CYTH1: variants seen among roughly 807,000 people sequenced by gnomAD.
The protein encoded by CYTH1 is cytohesin 1.
CYTH1 carries 18 observed loss-of-function variants against 61.8 expected under a neutral mutation model. The observed-to-expected ratio is 0.29, with a 90% CI of 0.20 to 0.43. The LOEUF (loss-of-function observed/expected upper bound fraction) is 0.43. Among genes scored for constraint, CYTH1 ranks in the 20% least tolerant of loss-of-function variants. The pLI, the probability that CYTH1 is intolerant of heterozygous loss-of-function variation, is 1.00. For missense variants in CYTH1, 336 were observed against 510.5 expected, an observed-to-expected ratio of 0.66 and a Z score of 3.29; for synonymous variants, 174 against 184.3, an observed-to-expected ratio of 0.94 and a Z score of 0.45.
At chr17:78,781,752 G>A (rs947715890) in intron 1 of CYTH1, among the ~76,000 whole-genome samples, 1 of 151,794 alleles carries the variant, frequency 6.6e-6, no homozygotes, top group Non-Finnish European at 1.5e-5. Context: ...CCCGCAGAGG[G>A]GCGGCAGGGC....
intron 1 of CYTH1, among the ~76,000 whole-genome samples, chr17:78,731,637 A>G (rs2093294737): frequency 1.3e-5 from 2 of 151,816 alleles, no homozygotes; most frequent in Non-Finnish European, 2.9e-5. Context: ...GGGCGCCTGT[A>G]GTCCCAGCTA....
chr17:78,684,934 C>A (rs187627208), intron 11 of CYTH1, among the ~76,000 whole-genome samples: 17 of 152,310 alleles, frequency 1.1e-4, no homozygotes, highest in African/African-American at 4.1e-4. Context: ...GGCATGGTGG[C>A]TCACGCCTGT....
intron 1 of CYTH1, among the ~76,000 whole-genome samples, chr17:78,722,316 T>C (rs1164838731): frequency 6.6e-6 from 1 of 152,218 alleles, no homozygotes; most frequent in East Asian, 1.9e-4. Context: ...AGCTTCTTTC[T>C]AGCACTCCAC....
At chr17:78,718,959 G>A (rs1035762599) in intron 1 of CYTH1, among the ~76,000 whole-genome samples, 5 of 152,230 alleles carry the variant, frequency 3.3e-5, no homozygotes, top group African/African-American at 1.2e-4. Context: ...TAGGTGGAAG[G>A]CAGCGGGGGT....
At chr17:78,775,612 A>G (rs2093487911) in intron 1 of CYTH1, among the ~76,000 whole-genome samples, 1 of 152,232 alleles carries the variant, frequency 6.6e-6, no homozygotes, top group Non-Finnish European at 1.5e-5. Flanking sequence ...TCAATCTGGG[A>G]ACTCAATGTA....
intron 1 of CYTH1, among the ~76,000 whole-genome samples, chr17:78,773,529 T>C (rs1348519200): frequency 6.6e-6 from 1 of 151,218 alleles, no homozygotes; most frequent in Admixed American, 6.6e-5. Context: ...CTCAGGAGGC[T>C]GAGGCACAAG....
chr17:78,707,413 T>C (rs1397636104), intron 3 of CYTH1, among the ~76,000 whole-genome samples: 1 of 152,172 alleles, frequency 6.6e-6, no homozygotes, highest in African/African-American at 2.4e-5. Context: ...AGCAGAGTCC[T>C]TGTCCTTTTA....
chr17:78,731,485 C>T (rs771708493), intron 1 of CYTH1, among the ~76,000 whole-genome samples: 1 of 152,102 alleles, frequency 6.6e-6, no homozygotes, highest in Admixed American at 6.5e-5. Context: ...TCTCGTCGGG[C>T]GCGGTGGTTC....
At chr17:78,769,937 G>A (rs1273399896) in intron 1 of CYTH1, among the ~76,000 whole-genome samples, 2 of 152,112 alleles carry the variant, frequency 1.3e-5, no homozygotes, top group African/African-American at 2.4e-5. Flanking sequence ...GGATCACGAG[G>A]TCAGGAGATA....
intron 9 of CYTH1, 122 bp from the exon 10 acceptor site, chr17:78,696,131 T>C: frequency 1.6e-6 from 2 of 1,285,686 alleles, no homozygotes; most frequent in Non-Finnish European, 2.1e-6. Context: ...AATGTATCAG[T>C]CACATTCATG....
chr17:78,730,396 G>A (rs1368651769), intron 1 of CYTH1, among the ~76,000 whole-genome samples: 15 of 141,916 alleles, frequency 1.1e-4, no homozygotes, highest in African/African-American at 3.7e-4. Context: ...AAAATTAGCC[G>A]GGCATGGTGG....
chr17:78,676,482 A>C (rs2092700450), intron 13 of CYTH1: 1 of 348,368 alleles, frequency 2.9e-6, no homozygotes, highest in African/African-American at 2.1e-5. Flanking sequence ...AATTCAGAGA[A>C]AAAGACTGGT....
At chr17:78,773,457 C>G (rs1262936615) in intron 1 of CYTH1, among the ~76,000 whole-genome samples, 1 of 151,988 alleles carries the variant, frequency 6.6e-6, no homozygotes, top group East Asian at 1.9e-4. Flanking sequence ...TGGTGAAACC[C>G]CATCTCTACT....
chr17:78,768,880 C>G (rs1020317593), intron 1 of CYTH1, among the ~76,000 whole-genome samples: 2 of 152,110 alleles, frequency 1.3e-5, no homozygotes, highest in Non-Finnish European at 2.9e-5. Flanking sequence ...AAAGAACGGG[C>G]GCAGTGCCTC....
chr17:78,684,162 C>T (rs1041713065), intron 11 of CYTH1, among the ~76,000 whole-genome samples: 1 of 152,170 alleles, frequency 6.6e-6, no homozygotes, highest in Admixed American at 6.5e-5. Flanking sequence ...CTTCCTGGCC[C>T]CCCCTCTTTC....
At chr17:78,755,198 C>G (rs1293159623) in intron 1 of CYTH1, among the ~76,000 whole-genome samples, 1 of 152,154 alleles carries the variant, frequency 6.6e-6, no homozygotes, top group African/African-American at 2.4e-5. Context: ...TGTTTTGAGA[C>G]AGAGTCTAGC....
chr17:78,718,795 C>A (rs1463678137), intron 1 of CYTH1, among the ~76,000 whole-genome samples: 2 of 152,204 alleles, frequency 1.3e-5, no homozygotes, highest in Non-Finnish European at 2.9e-5. Context: ...GTGAGGAATG[C>A]GTGATGGAAA....
chr17:78,706,258 C>A (rs1461189460), intron 3 of CYTH1, among the ~76,000 whole-genome samples: 1 of 152,190 alleles, frequency 6.6e-6, no homozygotes, highest in Non-Finnish European at 1.5e-5. Context: ...CCTGCCATCC[C>A]TGTAAGTTCC....
In CYTH1 at chr17:78,782,212, G is replaced by A; in HGVS notation, c.12C>T (p.Asp4=). Residue 4 remains aspartate (D), a synonymous_variant, in exon 1 of 14, where the codon GAC becomes GAT. Coordinates refer to ENST00000446868, the MANE Select transcript of CYTH1 (RefSeq NM_004762.6). ...CCGGGGCGCACTGACCGTAGCTGTC[G>A]TCCTCCTCCATGGTGCGGGAGCCGG... is the stretch of plus-strand genomic sequence containing the variant. MEE[D]DSYVPSDLTA... is the part of the protein sequence containing the mutation. The A allele has an allele frequency of 1.5e-6, 2 of 1,367,826 alleles. No individual in the cohort carries two copies. Among genetic ancestry groups the A allele is most frequent in the Non-Finnish European group, 1.9e-6 (2 of 1,045,720 alleles). The allele number at this position is 1,367,826 out of a possible 1,614,324, so 84.7% of individuals were successfully genotyped here.
Sources: allele counts gnomAD v4.1 joint callset (sites outside exome capture counted in the v4.1 genomes callset), GRCh38; gene constraint gnomAD v4.1.1; transcripts MANE v1.5; gene names NCBI Gene and HGNC (gene_info 2026-07-23, HGNC 2026-07-21).